Variants in MTUS2 observed in about 807,000 individuals in gnomAD.
The protein encoded by MTUS2 is microtubule-associated tumor suppressor candidate 2.
In MTUS2, 40 loss-of-function variants were observed where a neutral mutation model predicts 114.1. The observed-to-expected ratio is 0.35, with a 90% CI of 0.27 to 0.46. The LOEUF is 0.46. Among genes scored for constraint, MTUS2 ranks in the 20% least tolerant of loss-of-function variants. MTUS2 has a pLI of 1.00. For missense variants in MTUS2, 1,679 were observed against 1,705.4 expected, an observed-to-expected ratio of 0.98 and a Z score of 0.27; for synonymous variants, 688 against 672.0, an observed-to-expected ratio of 1.02 and a Z score of -0.37.
At chr13:28,896,290 T>C (rs540384674) in intron 2 of MTUS2, among the ~76,000 whole-genome samples, 1 of 152,238 alleles carries the variant, frequency 6.6e-6, no homozygotes, top group Non-Finnish European at 1.5e-5. Context: ...ATGAGTGAAC[T>C]CCCATTCACA....
intron 6 of MTUS2, among the ~76,000 whole-genome samples, chr13:29,319,292 C>T (rs557917457): frequency 9.2e-5 from 14 of 152,114 alleles, no homozygotes; most frequent in Non-Finnish European, 1.9e-4. Flanking sequence ...TGAGAGGTTC[C>T]GGAGGTCATG....
At chr13:29,332,031 G>T (rs955709083) in intron 7 of MTUS2, among the ~76,000 whole-genome samples, 6 of 152,016 alleles carry the variant, frequency 3.9e-5, no homozygotes, top group African/African-American at 1.5e-4. Context: ...TTTTTTTGTT[G>T]TGTCTCTGAC....
chr13:29,181,658 GGTT>G (rs1012710385), intron 5 of MTUS2, among the ~76,000 whole-genome samples: 45 of 151,448 alleles, frequency 3.0e-4, no homozygotes, highest in African/African-American at 1.0e-3. Flanking sequence ...CGGTTACCAG[GGTT>G]GTTTACTCTA....
intron 5 of MTUS2, among the ~76,000 whole-genome samples, chr13:29,277,281 T>C (rs1448997084): frequency 6.6e-6 from 1 of 152,238 alleles, no homozygotes; most frequent in Admixed American, 6.5e-5. Flanking sequence ...TTACTCAGCA[T>C]GTTTGCTGAT....
intron 6 of MTUS2, among the ~76,000 whole-genome samples, chr13:29,293,622 T>C (rs974226265): frequency 3.9e-5 from 6 of 152,088 alleles, no homozygotes; most frequent in African/African-American, 1.4e-4. Flanking sequence ...AATAATGATA[T>C]ATGTGCAGGA....
At chr13:29,030,785 A>G (rs1217119402) in intron 3 of MTUS2, among the ~76,000 whole-genome samples, 1 of 152,094 alleles carries the variant, frequency 6.6e-6, no homozygotes, top group South Asian at 2.1e-4. Flanking sequence ...CCAGCTTCAG[A>G]CTCTTCCATC....
intron 5 of MTUS2, among the ~76,000 whole-genome samples, chr13:29,244,934 C>T (rs796865136): frequency 5.4e-5 from 6 of 110,574 alleles, no homozygotes; most frequent in South Asian, 3.4e-4. Flanking sequence ...CCAGCCTGGG[C>T]GACAGAGCGA....
intron 5 of MTUS2, among the ~76,000 whole-genome samples, chr13:29,110,202 C>T (rs569347580): frequency 4.7e-4 from 71 of 152,316 alleles, no homozygotes; most frequent in Admixed American, 7.8e-4. Context: ...AAGCTGATGG[C>T]ATTTAAACCC....
At chr13:28,824,706 T>TTC (rs1286386165) in intron 1 of MTUS2, among the ~76,000 whole-genome samples, 1 of 151,940 alleles carries the variant, frequency 6.6e-6, no homozygotes, top group Non-Finnish European at 1.5e-5. Flanking sequence ...ACAAAAAAGT[T>TTC]TGAGTGTCTC....
rs566622424 is a variant in MTUS2 at position 29,447,411 on chromosome 13, G to A, written c.3184+7362G>A. ...TGGCTGTCATATATTCTTTTTTAAG[G>A]CAAATAGAGCTATTTGAGCTGATTC... is the stretch of plus-strand genomic sequence containing the variant. On this transcript the variant is annotated intron_variant, in intron 9 of 15. Coordinates refer to ENST00000612955, the MANE Select transcript of MTUS2 (RefSeq NM_001033602.4). Among the ~76,000 whole-genome samples the A allele has an allele frequency of 7.2e-5, 11 of 152,074 alleles. No individual in the cohort carries two copies. In the South Asian group the frequency reaches 2.3e-3, roughly 32 times the overall value.
intron 5 of MTUS2, among the ~76,000 whole-genome samples, chr13:29,194,437 C>T (rs1894585626): frequency 6.6e-6 from 1 of 151,412 alleles, no homozygotes; most frequent in Non-Finnish European, 1.5e-5. Flanking sequence ...GGGCGAAGGA[C>T]ATGAACAGAC....
At chr13:29,017,959 G>A (rs753853532) in intron 2 of MTUS2, among the ~76,000 whole-genome samples, 6 of 152,286 alleles carry the variant, frequency 3.9e-5, no homozygotes, top group South Asian at 4.1e-4. Flanking sequence ...TTAGATGTAC[G>A]TGGCTATGAT....
intron 2 of MTUS2, among the ~76,000 whole-genome samples, chr13:28,859,868 G>A (rs1566181766): frequency 6.6e-6 from 1 of 152,184 alleles, no homozygotes; most frequent in Non-Finnish European, 1.5e-5. Flanking sequence ...ATCTTCCCCT[G>A]AGGCCTGACG....
At chr13:29,425,955 G>C (rs1240824623) in intron 8 of MTUS2, among the ~76,000 whole-genome samples, 1 of 152,124 alleles carries the variant, frequency 6.6e-6, no homozygotes, top group Non-Finnish European at 1.5e-5. Context: ...TTCTAGTATA[G>C]AGCACTCTAA....
intron 2 of MTUS2, among the ~76,000 whole-genome samples, chr13:28,998,907 T>A (rs974741462): frequency 2.0e-5 from 3 of 152,222 alleles, no homozygotes; most frequent in Non-Finnish European, 4.4e-5. Flanking sequence ...AGTCATTCTC[T>A]ATCCAGCTTT....
rs765389051 is a variant in MTUS2 at position 29,025,883 on chromosome 13, C to T, written c.1185C>T (p.Thr395=). 1.1e-5 allele frequency: 18 copies of T among 1,613,276 alleles called. No homozygotes were observed. Among genetic ancestry groups the T allele is most frequent in the Non-Finnish European group, 1.4e-5 (16 of 1,179,594 alleles). The change falls in exon 3 of 16, where the codon ACC becomes ACT. Residue 395 remains threonine, a synonymous_variant. Coordinates refer to ENST00000612955, the MANE Select transcript of MTUS2 (RefSeq NM_001033602.4). ...NPGEQDSLHT[T]PKQGSASLGG... ...GGGAGCAGGATTCTCTCCACACCAC[C>T]CCCAAACAGGGCTCTGCTTCCTTAG...
chr13:29,003,192 G>A (rs1344972630), intron 2 of MTUS2, among the ~76,000 whole-genome samples: 1 of 152,210 alleles, frequency 6.6e-6, no homozygotes, highest in East Asian at 1.9e-4. Context: ...GCCGCTTACT[G>A]TGTGCCTAAC....
At chr13:29,307,721 A>G in intron 6 of MTUS2, 1 of 1,129,640 alleles carries the variant, frequency 8.9e-7, no homozygotes, top group South Asian at 1.2e-5. Flanking sequence ...TCCTGGTATG[A>G]CAATGAATTT....
At chr13:29,211,223 C>G (rs1895416863) in intron 5 of MTUS2, among the ~76,000 whole-genome samples, 1 of 152,100 alleles carries the variant, frequency 6.6e-6, no homozygotes, top group Non-Finnish European at 1.5e-5. Context: ...CCTGCCTCTG[C>G]TGGGTCACGC....
Sources: allele counts gnomAD v4.1 joint callset (sites outside exome capture counted in the v4.1 genomes callset), GRCh38; gene constraint gnomAD v4.1.1; transcripts MANE v1.5; gene names NCBI Gene and HGNC (gene_info 2026-07-23, HGNC 2026-07-21).